DSCAML1: variants seen among roughly 807,000 people sequenced by gnomAD.
The protein encoded by DSCAML1 is cell adhesion molecule DSCAML1.
A neutral mutation model predicts 200.5 loss-of-function variants in DSCAML1; 38 were observed. The ratio of observed to expected loss-of-function variants is 0.19; its 90% CI spans 0.15 to 0.25. The LOEUF is 0.25. Ranked by LOEUF, DSCAML1 falls within the 10% of genes least tolerant of loss-of-function variation. The probability of loss-of-function intolerance (pLI) is 1.00; values close to 1 mark genes in which losing one functional copy is unlikely to be tolerated. For synonymous variants in DSCAML1, 1,215 were observed against 1,165.0 expected (o/e 1.04, Z -0.87); for missense variants, 2,223 against 2,858.8 (o/e 0.78, Z 5.07).
At position 117,430,882 on chromosome 11, in the gene DSCAML1, G is replaced by A. The variant is rs1363703301; in HGVS notation, c.5526C>T (p.Asp1842=). The stretch of plus-strand genomic sequence containing the variant: ...TCTCGTTGGTGCCTGTGGTCATCTG[G>A]TCAGAGGAACTGTCAGAGATGAAGC... ...TECFISDSSS[D]QMTTGTNENA... is the part of the protein sequence containing the mutation. The change falls in exon 32 of 33, where the codon GAC becomes GAT. Residue 1842 remains aspartate (D), a synonymous_variant. Coordinates refer to ENST00000651296, the MANE Select transcript of DSCAML1 (RefSeq NM_020693.4). 1.2e-6 allele frequency: 2 copies of A among 1,614,140 alleles called. No homozygotes were observed. The highest frequency in any genetic ancestry group is 3.3e-5 in the Admixed American group (2 of 60,032).
chr11:117,441,717 C>T (rs2048053375), intron 21 of DSCAML1, among the ~76,000 whole-genome samples: 1 of 151,742 alleles, frequency 6.6e-6, no homozygotes, highest in South Asian at 2.1e-4. Flanking sequence ...AGGTGCATGG[C>T]GTGGGGGTGG....
intron 3 of DSCAML1, among the ~76,000 whole-genome samples, chr11:117,726,082 A>G (rs1434239593): frequency 6.6e-6 from 1 of 152,226 alleles, no homozygotes; most frequent in African/African-American, 2.4e-5. Context: ...CACCGCAGCC[A>G]TAGGACACCA....
chr11:117,794,595 A>G (rs2055536879), intron 1 of DSCAML1, among the ~76,000 whole-genome samples: 1 of 151,898 alleles, frequency 6.6e-6, no homozygotes, highest in South Asian at 2.1e-4. Context: ...GGACGTACAA[A>G]TTATTGCAAG....
chr11:117,492,932 T>G (rs1312245488), intron 11 of DSCAML1, among the ~76,000 whole-genome samples: 1 of 152,204 alleles, frequency 6.6e-6, no homozygotes, highest in East Asian at 1.9e-4. Context: ...AAGCTCCACC[T>G]GAAGCATGAG....
chr11:117,637,998 C>T (rs2052326944), intron 3 of DSCAML1, among the ~76,000 whole-genome samples: 1 of 152,172 alleles, frequency 6.6e-6, no homozygotes, highest in Non-Finnish European at 1.5e-5. Flanking sequence ...CCACTCCTCA[C>T]ATATGCAGAC....
At chr11:117,680,991 A>G (rs974436880) in intron 3 of DSCAML1, among the ~76,000 whole-genome samples, 1 of 152,178 alleles carries the variant, frequency 6.6e-6, no homozygotes, top group Admixed American at 6.5e-5. Context: ...CCCAGAGCTG[A>G]CCACTGAAGA....
Position 117,505,154 on chromosome 11 carries a change from T to C in DSCAML1, c.2063-111A>G. 6.8e-7 allele frequency: 1 copy of C among 1,473,692 alleles called. No homozygotes were observed. The highest frequency in any genetic ancestry group is 9.1e-7 in the Non-Finnish European group (1 of 1,096,308). The allele number at this position is 1,473,692 out of a possible 1,614,324, so 91.3% of individuals were successfully genotyped here. A position where few individuals can be genotyped will look rare whatever the true frequency, so the allele number is the denominator to read the frequency against. Reference sequence around the variant, plus strand: ...AGCCCTGCCCGGGCCATTATAAAGTTGGAAGCGGGCAGTTTCTGAAACCCA... The same window carrying C: ...AGCCCTGCCCGGGCCATTATAAAGTCGGAAGCGGGCAGTTTCTGAAACCCA... On this transcript the variant is annotated intron_variant, in intron 9 of 32. Transcript: ENST00000651296. This position sits in a 1 kb window ranked among gnomAD's most constrained non-coding sequence, Gnocchi z 6.7.
intron 3 of DSCAML1, among the ~76,000 whole-genome samples, chr11:117,540,293 G>T (rs1365692953): frequency 6.6e-6 from 1 of 152,194 alleles, no homozygotes; most frequent in Non-Finnish European, 1.5e-5. Flanking sequence ...TCTCACAGGA[G>T]TGCGAACCCT....
intron 3 of DSCAML1, among the ~76,000 whole-genome samples, chr11:117,710,451 CAT>C (rs1011646445): frequency 8.5e-5 from 13 of 152,190 alleles, no homozygotes; most frequent in East Asian, 1.9e-4. Flanking sequence ...AAGGAGCTGA[CAT>C]GTGTTCTGGA....
chr11:117,447,607 T>C (rs1156324215), intron 20 of DSCAML1, among the ~76,000 whole-genome samples: 1 of 152,172 alleles, frequency 6.6e-6, no homozygotes, highest in East Asian at 1.9e-4. Flanking sequence ...GAAAAATGTA[T>C]TATATTATTA....
intron 3 of DSCAML1, among the ~76,000 whole-genome samples, chr11:117,735,293 G>A (rs576952909): frequency 6.6e-6 from 1 of 152,368 alleles, no homozygotes; most frequent in South Asian, 2.1e-4. Flanking sequence ...AATCCTGGCA[G>A]CAGAGCCATG....
chr11:117,779,822 T>C (rs1363997965), intron 2 of DSCAML1, among the ~76,000 whole-genome samples: 2 of 152,346 alleles, frequency 1.3e-5, no homozygotes, highest in Admixed American at 1.3e-4. Context: ...GTTGTATTTC[T>C]CAATCTCAGT....
In DSCAML1 at chr11:117,780,545, G is replaced by A. The variant is rs778236821; in HGVS notation, c.312C>T (p.Thr104=). The change falls in exon 2 of 33, where the codon ACC becomes ACT. Residue 104 remains threonine, a synonymous_variant. Transcript: ENST00000651296. The surrounding 1 kb of genome is among the most constrained non-coding windows in gnomAD (Gnocchi z 4.8). The part of the protein sequence containing the change: ...SFIHDNDYFC[T]AENAAGKIRS... ...GGATCTTGCCGGCAGCGTTCTCCGC[G>A]GTGCAGAAGTAGTCATTGTCGTGGA... is the stretch of plus-strand genomic sequence containing the variant. 2.7e-6 allele frequency: 4 copies of A among 1,485,990 alleles called. No individual in the cohort carries two copies. The highest frequency in any genetic ancestry group is 1.8e-4 in the Middle Eastern group (1 of 5,620). The allele number at this position is 1,485,990 out of a possible 1,614,324, so 92.1% of individuals were successfully genotyped here. A position where few individuals can be genotyped will look rare whatever the true frequency, so the allele number is the denominator to read the frequency against.
At chr11:117,782,004 C>T (rs1250607044) in intron 1 of DSCAML1, among the ~76,000 whole-genome samples, 1 of 152,214 alleles carries the variant, frequency 6.6e-6, no homozygotes, top group East Asian at 1.9e-4. Flanking sequence ...AGCAAGTGGA[C>T]ACCAACCCAG....
At chr11:117,788,289 G>T (rs2055397801) in intron 1 of DSCAML1, among the ~76,000 whole-genome samples, 3 of 152,060 alleles carry the variant, frequency 2.0e-5, no homozygotes, top group Non-Finnish European at 4.4e-5. Flanking sequence ...TGGTTTTTTT[G>T]GTTTGTTTTG....
At chr11:117,441,452 A>G (rs2048046092) in intron 21 of DSCAML1, among the ~76,000 whole-genome samples, 1 of 152,230 alleles carries the variant, frequency 6.6e-6, no homozygotes, top group South Asian at 2.1e-4. Context: ...CAGCATGCAC[A>G]GGCACAGAAG....
chr11:117,814,146 C>T (rs1280447667), intron 1 of DSCAML1, among the ~76,000 whole-genome samples: 1 of 152,140 alleles, frequency 6.6e-6, no homozygotes, highest in African/African-American at 2.4e-5. Context: ...CCCTGCCCAC[C>T]AGAGAACAAC....
chr11:117,459,860 C>T (rs2048445021), intron 18 of DSCAML1, among the ~76,000 whole-genome samples: 1 of 152,232 alleles, frequency 6.6e-6, no homozygotes, highest in Non-Finnish European at 1.5e-5. Flanking sequence ...AGGCAGAGGG[C>T]CTAGCCAGGG....
chr11:117,571,194 G>A (rs1360184969), intron 3 of DSCAML1, among the ~76,000 whole-genome samples: 2 of 152,226 alleles, frequency 1.3e-5, no homozygotes, highest in Non-Finnish European at 2.9e-5. Flanking sequence ...AAATGGTTGT[G>A]GGGGCTTGAG....
Sources: allele counts gnomAD v4.1 joint callset (sites outside exome capture counted in the v4.1 genomes callset), GRCh38; gene constraint gnomAD v4.1.1; non-coding constraint Gnocchi (gnomAD v3.1); transcripts MANE v1.5; gene names NCBI Gene and HGNC (gene_info 2026-07-23, HGNC 2026-07-21).